ASCC3: variants seen among roughly 807,000 people sequenced by gnomAD.
ASCC3 encodes activating signal cointegrator 1 complex subunit 3.
In ASCC3, 158 loss-of-function variants were observed where a neutral mutation model predicts 256.3. That is an observed-to-expected ratio of 0.62 (90% CI 0.54 to 0.70). ASCC3 has a LOEUF of 0.70. Among genes scored for constraint, ASCC3 ranks in the 30% least tolerant of loss-of-function variants. ASCC3 has a pLI of 0.00. For synonymous variants in ASCC3, 948 were observed against 883.4 expected, an observed-to-expected ratio of 1.07 and a Z score of -1.30; for missense variants, 2,259 against 2,626.0, an observed-to-expected ratio of 0.86 and a Z score of 3.05.
chr6:100,584,410 C>A (rs1407827263), intron 36 of ASCC3, among the ~76,000 whole-genome samples: 6 of 151,638 alleles, frequency 4.0e-5, no homozygotes, highest in Admixed American at 2.0e-4. Flanking sequence ...GGATTGCAAC[C>A]TCTCCCTTTT....
chr6:100,777,820 T>C lies in ASCC3; in HGVS notation c.1396-10475A>G, dbSNP rs375551074. Among the ~76,000 whole-genome samples the C allele has an allele frequency of 9.9e-5, 15 of 152,270 alleles. No homozygotes were observed. In the South Asian group the frequency reaches 1.9e-3, roughly 19 times the overall value. On this transcript the variant is annotated intron_variant, in intron 8 of 41. Coordinates refer to ENST00000369162, the MANE Select transcript of ASCC3 (RefSeq NM_006828.4). ...AAAGACAGGAATTGTAGGTAGGTCA[T>C]AGCAAAGACGTTGGATTTTTGTTCT...
chr6:100,724,825 T>C (rs1373326078), intron 11 of ASCC3, among the ~76,000 whole-genome samples: 1 of 151,936 alleles, frequency 6.6e-6, no homozygotes, highest in Non-Finnish European at 1.5e-5. Flanking sequence ...AGGGTCACAT[T>C]AGGGACACAG....
At chr6:100,573,362 T>C (rs971988409) in intron 36 of ASCC3, among the ~76,000 whole-genome samples, 4 of 152,142 alleles carry the variant, frequency 2.6e-5, no homozygotes, top group Admixed American at 1.3e-4. Context: ...AAGGAGGTCA[T>C]AGTGATTTCT....
chr6:100,528,567 A>G (rs1774711755), intron 37 of ASCC3, among the ~76,000 whole-genome samples: 1 of 152,192 alleles, frequency 6.6e-6, no homozygotes, highest in African/African-American at 2.4e-5. Flanking sequence ...TAGATCAAAA[A>G]GACTTGTCTG....
At position 100,867,985 on chromosome 6, in the gene ASCC3, G is replaced by T. The variant is rs760453996; in HGVS notation, c.13C>A (p.Arg5Ser). Residue 5 changes from arginine (R) to serine (S), a missense_variant, in exon 2 of 42, where the codon CGT (arginine) becomes AGT (serine). Transcript: ENST00000369162. MALP[R>S]LTGALRSFSN... ...AAGGAACGCAAGGCTCCTGTGAGACGAGGTAAAGCCATCTATTATTCAATC... is the reference window on the plus strand; with the variant it reads ...AAGGAACGCAAGGCTCCTGTGAGACTAGGTAAAGCCATCTATTATTCAATC... The T allele has an allele frequency of 1.2e-6, 2 of 1,612,754 alleles. No homozygotes were observed. The highest frequency in any genetic ancestry group is 1.7e-6 in the Non-Finnish European group (2 of 1,179,040).
At chr6:100,868,841 G>C (rs990792804) in intron 1 of ASCC3, among the ~76,000 whole-genome samples, 1 of 152,190 alleles carries the variant, frequency 6.6e-6, no homozygotes, top group Non-Finnish European at 1.5e-5. Flanking sequence ...AACATACCGG[G>C]AAAGAGAGAA....
At chr6:100,520,392 A>T (rs183935444) in intron 37 of ASCC3, among the ~76,000 whole-genome samples, 162 of 150,464 alleles carry the variant, frequency 1.1e-3, no homozygotes, top group Non-Finnish European at 1.9e-3. Context: ...ATTTTCCCAC[A>T]ATGAGCCTTG....
At chr6:100,834,317 A>C (rs1024073931) in intron 4 of ASCC3, among the ~76,000 whole-genome samples, 1 of 152,240 alleles carries the variant, frequency 6.6e-6, no homozygotes, top group Non-Finnish European at 1.5e-5. Flanking sequence ...TGATAGCATA[A>C]GGAAACAAGT....
At position 100,631,215 on chromosome 6, in the gene ASCC3, TA is replaced by T. The variant is rs769895189; in HGVS notation, c.4123-3del. 1 of 1,607,982 alleles carries T rather than the reference TA, an allele frequency of 6.2e-7. No homozygotes were observed. Among genetic ancestry groups the T allele is most frequent in the South Asian group, 1.1e-5 (1 of 90,858 alleles). On this transcript the variant is annotated splice_polypyrimidine_tract_variant and splice_region_variant and intron_variant, in intron 25 of 41. Coordinates refer to ENST00000369162, the MANE Select transcript of ASCC3 (RefSeq NM_006828.4). ...TTTTAGGGGTGCAATATATACCGCC[TA>T]AAAAGGGGAGAATAGCCAAAAATAC...
intron 10 of ASCC3, among the ~76,000 whole-genome samples, chr6:100,749,190 G>A (rs1451770066): frequency 1.3e-5 from 2 of 151,942 alleles, no homozygotes; most frequent in African/African-American, 2.4e-5. Context: ...GTGAGTGAAC[G>A]AAAAACGTTA....
At chr6:100,583,400 G>T (rs1771430977) in intron 36 of ASCC3, among the ~76,000 whole-genome samples, 1 of 151,316 alleles carries the variant, frequency 6.6e-6, no homozygotes. Flanking sequence ...TTCTCTGATG[G>T]TAGTGTTGTA....
intron 10 of ASCC3, among the ~76,000 whole-genome samples, chr6:100,733,232 C>T (rs1343550978): frequency 6.6e-6 from 1 of 152,132 alleles, no homozygotes; most frequent in Non-Finnish European, 1.5e-5. Context: ...GCGGTTTCTT[C>T]TATAGAACAC....
intron 26 of ASCC3, 88 bp downstream of exon 26, chr6:100,631,040 A>G (rs978318381): frequency 3.2e-6 from 3 of 947,922 alleles, no homozygotes; most frequent in Non-Finnish European, 5.0e-6. Context: ...AATCACTGTA[A>G]AACCATTCAA....
chr6:100,866,877 C>T (rs745777784), intron 2 of ASCC3, among the ~76,000 whole-genome samples: 14 of 152,190 alleles, frequency 9.2e-5, no homozygotes, highest in Admixed American at 3.9e-4. Context: ...TAATATACCA[C>T]ATTCAGAGAC....
intron 36 of ASCC3, among the ~76,000 whole-genome samples, chr6:100,568,053 GT>G (rs543838717): frequency 1.3e-5 from 2 of 150,240 alleles, no homozygotes; most frequent in South Asian, 2.1e-4. Context: ...GACAACATCT[GT>G]TTTTTTTTGA....
chr6:100,712,031 C>T (rs796337368), intron 13 of ASCC3, among the ~76,000 whole-genome samples: 20 of 152,146 alleles, frequency 1.3e-4, no homozygotes, highest in African/African-American at 4.8e-4. Flanking sequence ...TATAGTCTTT[C>T]AAGAAATGAT....
chr6:100,624,321 A>G (rs1292017878), intron 30 of ASCC3, among the ~76,000 whole-genome samples: 1 of 151,702 alleles, frequency 6.6e-6, no homozygotes, highest in Non-Finnish European at 1.5e-5. Flanking sequence ...CTGTCCTGGA[A>G]TAGATGAAAG....
At chr6:100,721,641 G>T (rs563291454) in intron 11 of ASCC3, among the ~76,000 whole-genome samples, 2 of 151,750 alleles carry the variant, frequency 1.3e-5, no homozygotes, top group East Asian at 3.9e-4. Context: ...AATCAGCTTT[G>T]AAAATTTCAA....
chr6:100,859,474 C>T (rs115307207), intron 3 of ASCC3, among the ~76,000 whole-genome samples: 1 of 152,006 alleles, frequency 6.6e-6, no homozygotes, highest in Non-Finnish European at 1.5e-5. Flanking sequence ...CTTTAACAGG[C>T]CTTTAGAATT....
Sources: gnomAD v4.1 joint callset for allele counts (sites outside exome capture counted in the v4.1 genomes callset) on GRCh38, gnomAD v4.1.1 for gene constraint, MANE v1.5 for transcripts, NCBI Gene and HGNC (gene_info 2026-07-23, HGNC 2026-07-21) for gene names.